The following SDK2 variants were observed in gnomAD, a reference collection of about 807,000 sequenced individuals.
SDK2 encodes the protein protein sidekick-2.
In SDK2, 105 loss-of-function variants were observed where a neutral mutation model predicts 253.9. The ratio of observed to expected loss-of-function variants is 0.41; its 90% CI spans 0.35 to 0.49. The LOEUF (loss-of-function observed/expected upper bound fraction) is 0.49. Ranked by LOEUF, SDK2 falls within the 20% of genes least tolerant of loss-of-function variation. The probability of loss-of-function intolerance (pLI) is 0.06; values close to 1 mark genes in which losing one functional copy is unlikely to be tolerated. For synonymous variants in SDK2, 1,249 were observed against 1,234.9 expected (o/e 1.01, Z -0.24); for missense variants, 2,608 against 3,003.0 (o/e 0.87, Z 3.07).
At chr17:73,623,042 T>C (rs948631314) in intron 1 of SDK2, among the ~76,000 whole-genome samples, 6 of 152,244 alleles carry the variant, frequency 3.9e-5, no homozygotes, top group Non-Finnish European at 8.8e-5. Flanking sequence ...TACATTCCAG[T>C]GACTAAGTAT....
intron 15 of SDK2, among the ~76,000 whole-genome samples, chr17:73,421,277 G>T (rs1401537299): frequency 2.2e-5 from 2 of 91,122 alleles, no homozygotes; most frequent in African/African-American, 5.5e-5. Flanking sequence ...CCGTGAGATT[G>T]TTTGACCCCA....
chr17:73,484,621 C>T (rs984962158), intron 2 of SDK2, among the ~76,000 whole-genome samples: 1 of 152,188 alleles, frequency 6.6e-6, no homozygotes. Flanking sequence ...ACAGAAATTT[C>T]TTCTTCCACA....
chr17:73,597,195 G>A (rs759851435), intron 1 of SDK2, among the ~76,000 whole-genome samples: 14 of 152,084 alleles, frequency 9.2e-5, no homozygotes, highest in African/African-American at 1.9e-4. Context: ...TCACCTCACC[G>A]GGGCCTTGAA....
Position 73,507,545 on chromosome 17 carries a change from C to T in SDK2, c.117G>A (p.Leu39=). 1 of 1,551,714 alleles carries T rather than the reference C, an allele frequency of 6.4e-7. No homozygotes were observed. Among genetic ancestry groups the T allele is most frequent in the Non-Finnish European group, 8.7e-7 (1 of 1,146,996 alleles). Residue 39 remains leucine (L), a synonymous_variant, in exon 2 of 45, where the codon TTG becomes TTA. Coordinates refer to ENST00000392650, the MANE Select transcript of SDK2 (RefSeq NM_001144952.2). ...KTEPVRTQVH[L]EGNRLVLTCM... ...ATGTAAGCACCAGGCGGTTTCCTTC[C>T]AAGTGCACCTGTGTCCGCACAGGCT...
At chr17:73,578,364 T>C (rs574604172) in intron 1 of SDK2, among the ~76,000 whole-genome samples, 1 of 152,230 alleles carries the variant, frequency 6.6e-6, no homozygotes, top group African/African-American at 2.4e-5. Context: ...CACACCCAGC[T>C]TGAACATCTT....
intron 5 of SDK2, among the ~76,000 whole-genome samples, chr17:73,444,512 C>A (rs1274081935): frequency 1.3e-5 from 2 of 152,190 alleles, no homozygotes; most frequent in Non-Finnish European, 2.9e-5. Flanking sequence ...ACACGGGGGG[C>A]CTCACTGGAT....
At chr17:73,355,176 T>TATATATATATATATATATATATATATA (rs1568363071) in intron 40 of SDK2, among the ~76,000 whole-genome samples, 8 of 5,758 alleles carry the variant, frequency 1.4e-3, no homozygotes, top group Non-Finnish European at 2.6e-3. Flanking sequence ...ATATATATAT[T>TATATATATATATATATATATATATATA]TTTTTTTTTT....
In SDK2 at chr17:73,390,444, G is replaced by A. The variant is rs779354379; in HGVS notation, c.4035C>T (p.Ala1345=). The change falls in exon 29 of 45, where the codon GCC becomes GCT. Residue 1345 remains alanine, a synonymous_variant. Coordinates refer to ENST00000392650, the MANE Select transcript of SDK2 (RefSeq NM_001144952.2). ...QITHRLNTTT[A]NTATVEVLAP... is the part of the protein sequence containing the mutation. ...CCAGCACCTCCACAGTGGCGGTGTT[G>A]GCCGTGGTGGTGTTGAGCCGGTGTG... 14 of 1,612,486 alleles carry A rather than the reference G, an allele frequency of 8.7e-6. No individual in the cohort carries two copies. The highest frequency in any genetic ancestry group is 1.7e-5 in the Admixed American group (1 of 59,858).
intron 2 of SDK2, among the ~76,000 whole-genome samples, chr17:73,503,015 G>A (rs375251981): frequency 6.6e-6 from 1 of 152,206 alleles, no homozygotes; most frequent in African/African-American, 2.4e-5. Flanking sequence ...GGCTTAACAT[G>A]AGTTTAATCA....
intron 44 of SDK2, among the ~76,000 whole-genome samples, chr17:73,342,640 A>G (rs964666275): frequency 3.9e-5 from 6 of 152,190 alleles, no homozygotes; most frequent in African/African-American, 1.4e-4. Flanking sequence ...AATTTTGGCT[A>G]GCCCCAGGCC....
Position 73,644,283 on chromosome 17 carries a change from C to G in SDK2, c.-195G>C, listed in dbSNP as rs1567891350. ...CCCTTCCTCCTCTTCTGTACTAGTC[C>G]GAGCCCGGCAGCGCGCCCGGAAGGC... On this transcript the variant is annotated 5_prime_UTR_variant, in exon 1 of 45. Transcript: ENST00000392650. This position sits in a 1 kb window ranked among gnomAD's most constrained non-coding sequence, Gnocchi z 6.3. 6.6e-6 allele frequency among the ~76,000 whole-genome samples: 1 copy of G among 152,122 alleles called. No homozygotes were observed.
intron 16 of SDK2, among the ~76,000 whole-genome samples, chr17:73,418,302 G>A (rs930491100): frequency 2.0e-5 from 3 of 152,148 alleles, no homozygotes; most frequent in Admixed American, 6.5e-5. Flanking sequence ...CACCACGCCC[G>A]GCCTGAAAGA....
At chr17:73,400,867 C>T (rs1028207307) in intron 21 of SDK2, among the ~76,000 whole-genome samples, 153 bp downstream of exon 21, 4 of 152,094 alleles carry the variant, frequency 2.6e-5, no homozygotes, top group Non-Finnish European at 4.4e-5. Flanking sequence ...AGGCTGGTCT[C>T]GAACTCCTGA....
intron 1 of SDK2, among the ~76,000 whole-genome samples, chr17:73,567,378 G>A (rs2045327033): frequency 6.6e-6 from 1 of 152,288 alleles, no homozygotes; most frequent in Admixed American, 6.5e-5. Context: ...AAACTTGGGT[G>A]CCCAGACAAG....
At chr17:73,504,070 G>A (rs189391892) in intron 2 of SDK2, among the ~76,000 whole-genome samples, 18 of 152,176 alleles carry the variant, frequency 1.2e-4, no homozygotes, top group African/African-American at 7.2e-5. Flanking sequence ...CTCTGACTTC[G>A]GTTCTGTGGT....
chr17:73,345,612 A>G (rs1306783120), intron 44 of SDK2, among the ~76,000 whole-genome samples: 1 of 152,148 alleles, frequency 6.6e-6, no homozygotes, highest in Non-Finnish European at 1.5e-5. Context: ...GAGCAAACCC[A>G]TCACTTACTC....
intron 14 of SDK2, 93 bp from the exon 15 acceptor site, chr17:73,422,527 G>A: frequency 6.9e-7 from 1 of 1,439,072 alleles, no homozygotes; most frequent in Non-Finnish European, 9.6e-7. Flanking sequence ...CAGCTTCACT[G>A]GGGCTGGCAA....
chr17:73,375,633 A>G (rs562297372), intron 36 of SDK2, among the ~76,000 whole-genome samples: 110 of 152,166 alleles, frequency 7.2e-4, no homozygotes, highest in Middle Eastern at 3.4e-3. Context: ...CCGAGGGCGG[A>G]TCACCTGGGG....
intron 44 of SDK2, among the ~76,000 whole-genome samples, chr17:73,345,825 G>C (rs148536987): frequency 6.6e-6 from 1 of 152,162 alleles, no homozygotes; most frequent in Admixed American, 6.5e-5. Flanking sequence ...TGTCATTCAC[G>C]AACAATCCTT....
Sources: gnomAD v4.1 joint callset for allele counts (sites outside exome capture counted in the v4.1 genomes callset) on GRCh38, gnomAD v4.1.1 for gene constraint, Gnocchi (gnomAD v3.1) non-coding constraint, MANE v1.5 for transcripts, NCBI Gene and HGNC (gene_info 2026-07-23, HGNC 2026-07-21) for gene names.